The following CTNNA2 variants were observed in gnomAD, a reference collection of about 807,000 sequenced individuals.
CTNNA2 encodes catenin alpha-2.
CTNNA2 carries 42 observed loss-of-function variants against 101.0 expected under a neutral mutation model. That is an observed-to-expected ratio of 0.42 (90% CI 0.32 to 0.54). The LOEUF is 0.54. Among genes scored for constraint, CTNNA2 ranks in the 20% least tolerant of loss-of-function variants. The pLI is 0.14. For missense variants in CTNNA2, 871 were observed against 1,223.1 expected (o/e 0.71, Z 4.29); for synonymous variants, 450 against 456.4 (o/e 0.99, Z 0.18).
chr2:80,563,514 A>C (rs1693788818), intron 12 of CTNNA2, among the ~76,000 whole-genome samples: 2 of 152,228 alleles, frequency 1.3e-5, no homozygotes, highest in African/African-American at 4.8e-5. Context: ...ATATGGCCAG[A>C]GTAGTCTCCA....
chr2:79,398,498 A>T (rs1678255145), intron 4 of CTNNA2, among the ~76,000 whole-genome samples: 1 of 152,084 alleles, frequency 6.6e-6, no homozygotes, highest in African/African-American at 2.4e-5. Context: ...ATTTAAACAA[A>T]TTTTTAGCTA....
chr2:80,367,609 C>T (rs1218214497), intron 7 of CTNNA2, among the ~76,000 whole-genome samples: 1 of 151,866 alleles, frequency 6.6e-6, no homozygotes, highest in African/African-American at 2.4e-5. Context: ...GAGCATTCAG[C>T]TCTTTATAAA....
intron 3 of CTNNA2, among the ~76,000 whole-genome samples, chr2:79,814,608 TACAC>T (rs146240455): frequency 7.9e-4 from 114 of 145,194 alleles, no homozygotes; most frequent in South Asian, 5.9e-3. Context: ...TATGTGTGTA[TACAC>T]ACACACACAC....
intron 4 of CTNNA2, among the ~76,000 whole-genome samples, chr2:79,421,036 T>G (rs1003073481): frequency 2.0e-5 from 3 of 152,118 alleles, no homozygotes; most frequent in Non-Finnish European, 4.4e-5. Flanking sequence ...TGAGACACAA[T>G]GGGATATTTA....
At chr2:80,548,894 T>C in intron 11 of CTNNA2, among the ~76,000 whole-genome samples, 1 of 152,194 alleles carries the variant, frequency 6.6e-6, no homozygotes, top group East Asian at 1.9e-4. Flanking sequence ...TGATATTTTA[T>C]GTATCAGTTT....
At chr2:79,965,734 G>A (rs1475093362) in intron 7 of CTNNA2, among the ~76,000 whole-genome samples, 2 of 145,142 alleles carry the variant, frequency 1.4e-5, no homozygotes, top group African/African-American at 2.6e-5. Flanking sequence ...TGAGGCATGA[G>A]AATCACTTGA....
At chr2:79,309,293 G>A (rs1047258641) in intron 2 of CTNNA2, among the ~76,000 whole-genome samples, 1 of 151,774 alleles carries the variant, frequency 6.6e-6, no homozygotes, top group South Asian at 2.1e-4. Flanking sequence ...GATTAACTTG[G>A]GAAGAACTGA....
chr2:80,505,190 C>T (rs1688171913), intron 9 of CTNNA2, among the ~76,000 whole-genome samples: 1 of 152,192 alleles, frequency 6.6e-6, no homozygotes, highest in Non-Finnish European at 1.5e-5. Flanking sequence ...GCTCAAATTT[C>T]CTGATGACAT....
At chr2:79,696,794 G>A (rs145508029) in intron 2 of CTNNA2, among the ~76,000 whole-genome samples, 1 of 152,104 alleles carries the variant, frequency 6.6e-6, no homozygotes, top group East Asian at 1.9e-4. Context: ...AGAGTACCTT[G>A]AGAATCACTT....
chr2:80,570,737 G>T (rs1694514032), intron 12 of CTNNA2, among the ~76,000 whole-genome samples: 1 of 151,986 alleles, frequency 6.6e-6, no homozygotes, highest in African/African-American at 2.4e-5. Context: ...AAGGTCGATG[G>T]TAGTTCTGTT....
intron 7 of CTNNA2, among the ~76,000 whole-genome samples, chr2:80,179,983 A>G (rs1217215381): frequency 6.6e-6 from 1 of 152,178 alleles, no homozygotes; most frequent in Non-Finnish European, 1.5e-5. Flanking sequence ...TTCATTAATT[A>G]CTTGACAAAC....
At chr2:79,949,170 C>T (rs1015448761) in intron 7 of CTNNA2, among the ~76,000 whole-genome samples, 1 of 152,010 alleles carries the variant, frequency 6.6e-6, no homozygotes, top group African/African-American at 2.4e-5. Flanking sequence ...ATTATCTTTG[C>T]TTTGCATTTC....
intron 4 of CTNNA2, among the ~76,000 whole-genome samples, chr2:79,480,065 G>A (rs980065042): frequency 7.9e-5 from 12 of 152,144 alleles, no homozygotes; most frequent in Admixed American, 6.5e-4. Context: ...CACTCATGGT[G>A]GAAGGAAAAG....
intron 2 of CTNNA2, among the ~76,000 whole-genome samples, chr2:79,688,636 T>G (rs919539757): frequency 5.3e-5 from 8 of 152,004 alleles, no homozygotes; most frequent in Non-Finnish European, 1.0e-4. Context: ...ATAATAAACA[T>G]TTTTATAGCA....
At chr2:79,958,864 G>A (rs1001468023) in intron 7 of CTNNA2, among the ~76,000 whole-genome samples, 6 of 151,774 alleles carry the variant, frequency 4.0e-5, no homozygotes, top group Admixed American at 6.6e-5. Flanking sequence ...TGGATTAAGT[G>A]TCTGTTGAGG....
chr2:79,531,216 A>G (rs1417186178), intron 1 of CTNNA2, among the ~76,000 whole-genome samples: 19 of 101,614 alleles, frequency 1.9e-4, no homozygotes, highest in Admixed American at 1.8e-3. Flanking sequence ...ATATATATAT[A>G]TATATATATA....
intron 9 of CTNNA2, among the ~76,000 whole-genome samples, chr2:80,497,491 G>A (rs1030047514): frequency 2.0e-5 from 3 of 152,116 alleles, no homozygotes; most frequent in South Asian, 2.1e-4. Flanking sequence ...GGAATATCAC[G>A]TAGAATTCCC....
chr2:80,186,211 C>T (rs894829), intron 7 of CTNNA2, among the ~76,000 whole-genome samples: 138,554 of 152,310 alleles, frequency 0.91, 63,187 homozygotes, highest in African/African-American at 0.96. Flanking sequence ...CTCTAAAAAA[C>T]TGTCAACTCC....
chr2:79,375,191 C>A (rs1055499446), intron 4 of CTNNA2, among the ~76,000 whole-genome samples: 1 of 152,088 alleles, frequency 6.6e-6, no homozygotes, highest in Non-Finnish European at 1.5e-5. Context: ...TTTTAAAAAA[C>A]CATACGCTTT....
Sources: allele counts gnomAD v4.1 joint callset (sites outside exome capture counted in the v4.1 genomes callset), GRCh38; gene constraint gnomAD v4.1.1; transcripts MANE v1.5; gene names NCBI Gene and HGNC (gene_info 2026-07-23, HGNC 2026-07-21).